The following CACTIN variants were observed in gnomAD, a reference collection of about 807,000 sequenced individuals.
CACTIN encodes the protein splicing factor Cactin.
A neutral mutation model predicts 84.9 loss-of-function variants in CACTIN; 20 were observed. That is an observed-to-expected ratio of 0.24 (90% confidence interval 0.17 to 0.34). CACTIN has a LOEUF of 0.34. Ranked by LOEUF, CACTIN falls within the 10% of genes least tolerant of loss-of-function variation. The pLI, the probability that CACTIN is intolerant of heterozygous loss-of-function variation, is 1.00. For missense variants in CACTIN, 897 were observed against 1,117.2 expected, an observed-to-expected ratio of 0.80 and a Z score of 2.81; for synonymous variants, 549 against 467.9, an observed-to-expected ratio of 1.17 and a Z score of -2.24.
chr19:3,614,179 A>G (rs2033051478), intron 7 of CACTIN, among the ~76,000 whole-genome samples: 1 of 152,044 alleles, frequency 6.6e-6, no homozygotes, highest in Admixed American at 6.5e-5. Flanking sequence ...AGGGCACTGG[A>G]GCATCCTGGG....
chr19:3,613,140 C>T lies in CACTIN; in HGVS notation c.1704G>A (p.Glu568=), dbSNP rs776025793. 11 of 1,607,852 alleles carry T rather than the reference C, an allele frequency of 6.8e-6. No individual in the cohort carries two copies. In the East Asian group the frequency reaches 2.0e-4, roughly 29 times the overall value. ...CCAGCACGTGCGCGTCCAGTGGCAG[C>T]TCGTGCGCCGTGAGCAGCCGCGGGC... The part of the protein sequence containing the change: ...RYSPRLLTAH[E]LPLDAHVLEP... Residue 568 remains glutamate, a synonymous_variant, in exon 9 of 10, where the codon GAG becomes GAA. Transcript: ENST00000429344.
Position 3,618,132 on chromosome 19 carries a change from A to C in CACTIN, c.1162+743T>G, listed in dbSNP as rs1225140267. On this transcript the variant is annotated intron_variant, in intron 6 of 9. Transcript: ENST00000429344. ...TGTTACAGCAGCCGCTGGGGCGTGG[A>C]TTTTGGCGGGGAGGGGGCAGGGCTG... Among the ~76,000 whole-genome samples the C allele has an allele frequency of 5.0e-5, 6 of 119,950 alleles. No individual in the cohort carries two copies. In the South Asian group the frequency reaches 1.8e-3, roughly 36 times the overall value. 78.7% of individuals were successfully genotyped at this position (119,950 alleles called of 152,430 possible).
In CACTIN at chr19:3,613,233, G is replaced by A. The variant is rs1054364367; in HGVS notation, c.1611C>T (p.Gly537=). ...GGTCCTCCTCCATGAGCACCGCCTCGCCCTCGCCCTCGCCCTCACCGTCCC... is the reference window on the plus strand; with the variant it reads ...GGTCCTCCTCCATGAGCACCGCCTCACCCTCGCCCTCGCCCTCACCGTCCC... ...GDGDGEGEGE[G]EAVLMEEDLI... Residue 537 remains glycine, a synonymous_variant, in exon 9 of 10, where the codon GGC becomes GGT. Coordinates refer to ENST00000429344, the MANE Select transcript of CACTIN (RefSeq NM_001080543.2). 1.9e-6 allele frequency: 3 copies of A among 1,603,988 alleles called. No individual in the cohort carries two copies. Among genetic ancestry groups the A allele is most frequent in the Non-Finnish European group, 2.6e-6 (3 of 1,173,870 alleles).
At chr19:3,625,799 T>C (rs2033321392) in intron 1 of CACTIN, among the ~76,000 whole-genome samples, 1 of 152,128 alleles carries the variant, frequency 6.6e-6, no homozygotes, top group African/African-American at 2.4e-5. Flanking sequence ...CTGGCCTGAG[T>C]GTCAGCCACG....
chr19:3,620,275 G>A lies in CACTIN; in HGVS notation c.739-3C>T. On this transcript the variant is annotated splice_region_variant and splice_polypyrimidine_tract_variant and intron_variant, in intron 3 of 9. Coordinates refer to ENST00000429344, the MANE Select transcript of CACTIN (RefSeq NM_001080543.2). ...CGCTCCAGCCGCAGCTGCTTCACCT[G>A]CAGGCACAGGAGGCTGAGGGCAGCG... 6.4e-7 allele frequency: 1 copy of A among 1,561,270 alleles called. No individual in the cohort carries two copies. Among genetic ancestry groups the A allele is most frequent in the Non-Finnish European group, 8.6e-7 (1 of 1,159,118 alleles).
intron 2 of CACTIN, 24 bp from the exon 3 acceptor site, chr19:3,620,826 C>T (rs1208073026): frequency 2.5e-6 from 4 of 1,595,236 alleles, no homozygotes; most frequent in Non-Finnish European, 3.4e-6. Context: ...GCACACCTGC[C>T]CTGAGCACAG....
intron 8 of CACTIN, 37 bp downstream of exon 8, chr19:3,613,427 T>G: frequency 6.5e-7 from 1 of 1,548,858 alleles, no homozygotes; most frequent in Non-Finnish European, 8.7e-7. Context: ...CTGCTCCGCG[T>G]CTGCATCGGC....
At chr19:3,624,277 A>T (rs905342888) in intron 1 of CACTIN, 115 bp from the exon 2 acceptor site, 41 of 956,150 alleles carry the variant, frequency 4.3e-5, no homozygotes, top group Non-Finnish European at 6.1e-5. Context: ...GGGACACAGC[A>T]GTGACCCAAA....
chr19:3,622,929 A>G (rs748966818), intron 2 of CACTIN, among the ~76,000 whole-genome samples: 1 of 152,188 alleles, frequency 6.6e-6, no homozygotes, highest in Non-Finnish European at 1.5e-5. Context: ...CAAGAGACAC[A>G]GTTAATGGCA....
In CACTIN at chr19:3,622,136, C is replaced by T. The variant is rs747579098; in HGVS notation, c.643-1334G>A. ...ATCCCAGCATATTGGGAGGCCAAGG[C>T]GGGCAGATCACTTGAGGTCAGGAGT... is the stretch of plus-strand genomic sequence containing the variant. On this transcript the variant is annotated intron_variant, in intron 2 of 9. Transcript: ENST00000429344. Among the ~76,000 whole-genome samples the T allele has an allele frequency of 4.6e-5, 7 of 152,134 alleles. No individual in the cohort carries two copies. The East Asian group carries it at 7.7e-4, about 17-fold the overall frequency.
intron 6 of CACTIN, among the ~76,000 whole-genome samples, chr19:3,618,146 G>C (rs1474674605): frequency 6.6e-6 from 1 of 150,776 alleles, no homozygotes; most frequent in South Asian, 2.1e-4. Flanking sequence ...TGGCGGGGAG[G>C]GGGCAGGGCT....
chr19:3,622,964 A>G (rs2033254745), intron 2 of CACTIN, among the ~76,000 whole-genome samples: 1 of 152,194 alleles, frequency 6.6e-6, no homozygotes, highest in African/African-American at 2.4e-5. Context: ...GGCTGGGCGC[A>G]GTGGCTCATG....
intron 2 of CACTIN, chr19:3,621,108 AC>A: frequency 2.1e-6 from 1 of 482,686 alleles, no homozygotes; most frequent in Non-Finnish European, 3.8e-6. Context: ...GCTCGGGGCC[AC>A]CCCAGCCCCC....
chr19:3,612,123 C>T lies in CACTIN; in HGVS notation c.2077G>A (p.Glu693Lys). ...TCGGCGCAGGCCTCCAGGAAGTACT[C>T]GGGCGTGGAGCGCTTGTCGATGAGG... The part of the protein sequence containing the change: ...PDLIDKRSTP[E>K]YFLEACADNK... The change falls in exon 10 of 10, where the codon GAG becomes AAG. Residue 693 changes from glutamate to lysine, a missense_variant. Glu to Lys is a moderately conservative substitution (Grantham distance 56). Coordinates refer to ENST00000429344, the MANE Select transcript of CACTIN (RefSeq NM_001080543.2). The T allele has an allele frequency of 1.2e-6, 2 of 1,613,788 alleles. No individual in the cohort carries two copies. The highest frequency in any genetic ancestry group is 1.7e-6 in the Non-Finnish European group (2 of 1,179,896).
rs1284640064 is a variant in CACTIN, at chr19:3,610,799, G to A, written c.*1124C>T. 10 of 456,774 alleles carry A rather than the reference G, an allele frequency of 2.2e-5. No individual in the cohort carries two copies. The highest frequency in any genetic ancestry group is 4.4e-5 in the Non-Finnish European group (10 of 227,000). 28.3% of individuals were successfully genotyped at this position (456,774 alleles called of 1,614,324 possible). ...AGGCGGGGTGTCTGGGAGGGGCTGTGGGTGGTCTGGGGCTGGTGACTGGTG... is the reference window on the plus strand; with the variant it reads ...AGGCGGGGTGTCTGGGAGGGGCTGTAGGTGGTCTGGGGCTGGTGACTGGTG... On this transcript the variant is annotated 3_prime_UTR_variant, in exon 10 of 10. Transcript: ENST00000429344.
In CACTIN at chr19:3,613,269, G is replaced by A. The variant is rs1161021020; in HGVS notation, c.1575C>T (p.Gly525=). The change falls in exon 9 of 10, where the codon GGC becomes GGT. Residue 525 remains glycine, a synonymous_variant. Transcript: ENST00000429344. ...CGCCCTCACCGTCCCCGTCGCCGTC[G>A]CCCTCTGTCGGGGTCGCGCCGTCCA... ...AEVDGATPTE[G]DGDGDGEGEG... 3 of 1,607,614 alleles carry A rather than the reference G, an allele frequency of 1.9e-6. No homozygotes were observed. In the African/African-American group the frequency reaches 4.0e-5, roughly 22 times the overall value.
chr19:3,625,488 G>A (rs141446430), intron 1 of CACTIN, among the ~76,000 whole-genome samples: 4,592 of 152,280 alleles, frequency 0.03, 127 homozygotes, highest in Middle Eastern at 0.075. Context: ...CCAGCACTTT[G>A]GGAGGCCGAG....
rs1243867377 is a variant in CACTIN at position 3,611,649 on chromosome 19, C to G, written c.*274G>C. The G allele has an allele frequency of 2.1e-6, 1 of 486,326 alleles. No homozygotes were observed. The allele number at this position is 486,326 out of a possible 1,614,324, so 30.1% of individuals were successfully genotyped here. On this transcript the variant is annotated 3_prime_UTR_variant, in exon 10 of 10. Coordinates refer to ENST00000429344, the MANE Select transcript of CACTIN (RefSeq NM_001080543.2). ...TCAGCTGGCGGCTGCTGGCCACCCT[C>G]GTGCTCGAAAGATGCCCCTAGCGCC...
rs1025442513 is a variant in CACTIN at position 3,613,175 on chromosome 19, C to G, written c.1669G>C (p.Gly557Arg). The G allele has an allele frequency of 6.2e-7, 1 of 1,611,268 alleles. No individual in the cohort carries two copies. The highest frequency in any genetic ancestry group is 1.1e-5 in the South Asian group (1 of 91,072). ...GTGAGCAGCCGCGGGCTGTACCTGC[C>G]GGCGTCGTAGTCGTCCAGGCTCTGC... ...IQQSLDDYDAGRYSPRLLTAH... is the reference protein window; with the variant it reads ...IQQSLDDYDARRYSPRLLTAH... The change falls in exon 9 of 10, where the codon GGC becomes CGC. Residue 557 changes from glycine (G) to arginine (R), a missense_variant. Gly to Arg is a moderately radical substitution (Grantham distance 125). Transcript: ENST00000429344.
Sources: gnomAD v4.1 joint callset for allele counts (sites outside exome capture counted in the v4.1 genomes callset) on GRCh38, gnomAD v4.1.1 for gene constraint, MANE v1.5 for transcripts, NCBI Gene and HGNC (gene_info 2026-07-23, HGNC 2026-07-21) for gene names.